NSG1: variants seen among roughly 807,000 people sequenced by gnomAD.
NSG1 encodes neuronal vesicle trafficking-associated protein 1.
NSG1 carries 9 observed loss-of-function variants against 19.3 expected under a neutral mutation model. The observed-to-expected ratio is 0.47, with a 90% CI of 0.28 to 0.81. The LOEUF is 0.81. Ranked by LOEUF, NSG1 falls within the 40% of genes least tolerant of loss-of-function variation. NSG1 has a pLI of 0.11. For synonymous variants in NSG1, 104 were observed against 107.0 expected, an observed-to-expected ratio of 0.97 and a Z score of 0.17; for missense variants, 236 against 242.4, an observed-to-expected ratio of 0.97 and a Z score of 0.18.
At chr4:4,417,199 A>G (rs906950529) in intron 4 of NSG1, 36 bp from the exon 5 acceptor site, 1 of 1,593,012 alleles carries the variant, frequency 6.3e-7, no homozygotes, top group African/African-American at 1.3e-5. Flanking sequence ...CCCCTCTTGC[A>G]CCGACGCGTG....
chr4:4,412,828 A>G (rs1023740235), intron 4 of NSG1, among the ~76,000 whole-genome samples: 5 of 152,202 alleles, frequency 3.3e-5, no homozygotes, highest in African/African-American at 1.2e-4. Context: ...GGAGAAGCCA[A>G]CTGTTTCTAG....
chr4:4,401,684 C>G (rs1723555347), intron 3 of NSG1, among the ~76,000 whole-genome samples: 1 of 152,138 alleles, frequency 6.6e-6, no homozygotes. Flanking sequence ...TCAACCACGT[C>G]AAAGCACCTG....
chr4:4,397,261 G>A (rs770839702), intron 3 of NSG1, among the ~76,000 whole-genome samples: 4 of 151,776 alleles, frequency 2.6e-5, no homozygotes, highest in Non-Finnish European at 4.4e-5. Context: ...CAGCGCCGTC[G>A]ACCTGGCGCC....
intron 3 of NSG1, among the ~76,000 whole-genome samples, chr4:4,403,791 G>A (rs1241469599): frequency 1.3e-5 from 2 of 152,170 alleles, no homozygotes; most frequent in East Asian, 1.9e-4. Flanking sequence ...TTAGGAGTAC[G>A]CAGACTTTAA....
chr4:4,412,536 C>G (rs945417573), intron 4 of NSG1, among the ~76,000 whole-genome samples: 2 of 152,006 alleles, frequency 1.3e-5, no homozygotes. Flanking sequence ...CAGGGAGCTG[C>G]TGGTCTGTAT....
intron 3 of NSG1, among the ~76,000 whole-genome samples, chr4:4,392,974 G>A (rs76827778): frequency 0.021 from 3,219 of 152,190 alleles, 120 homozygotes; most frequent in African/African-American, 0.074. Flanking sequence ...ACTGATCCGA[G>A]GTCAATACCT....
At chr4:4,402,383 T>A (rs1280500526) in intron 3 of NSG1, among the ~76,000 whole-genome samples, 1 of 89,034 alleles carries the variant, frequency 1.1e-5, no homozygotes, top group Non-Finnish European at 1.9e-5. Flanking sequence ...TTTTTTTTTT[T>A]TTTTTTTTTT....
rs183499485 is a variant in NSG1, at chr4:4,397,625, G to A, written c.246+6034G>A. On this transcript the variant is annotated intron_variant, in intron 3 of 4. Transcript: ENST00000621129. ...AAGGCCACGGGCCACTGCCTTTCAC[G>A]TGAGTGACCATGTAACTCCTGGCCC... Among the ~76,000 whole-genome samples, 6 of 152,338 alleles carry A rather than the reference G, an allele frequency of 3.9e-5. No individual in the cohort carries two copies. In the East Asian group the frequency reaches 7.7e-4, roughly 20 times the overall value.
chr4:4,411,397 C>A (rs1351301560), intron 4 of NSG1, among the ~76,000 whole-genome samples: 2 of 152,138 alleles, frequency 1.3e-5, no homozygotes, highest in African/African-American at 4.8e-5. Context: ...ACACCCTGTC[C>A]CACTGGAAGG....
intron 4 of NSG1, among the ~76,000 whole-genome samples, chr4:4,410,735 C>T (rs964026524): frequency 2.0e-5 from 3 of 152,096 alleles, no homozygotes; most frequent in Admixed American, 6.6e-5. Flanking sequence ...ATGCGAAGGC[C>T]GAGGCATGGC....
intron 2 of NSG1, 123 bp downstream of exon 2, chr4:4,387,881 C>G (rs1320523669): frequency 2.5e-6 from 2 of 811,276 alleles, no homozygotes; most frequent in East Asian, 2.6e-5. Context: ...CTCGGGAGGC[C>G]GGAGGGAGCG....
intron 3 of NSG1, among the ~76,000 whole-genome samples, chr4:4,406,526 C>T (rs897132792): frequency 1.3e-5 from 2 of 152,202 alleles, no homozygotes; most frequent in Non-Finnish European, 2.9e-5. Context: ...GGAGCCCGGG[C>T]AGGCTGGCCC....
intron 4 of NSG1, among the ~76,000 whole-genome samples, chr4:4,412,493 G>A (rs1407353928): frequency 6.6e-6 from 1 of 151,704 alleles, no homozygotes; most frequent in East Asian, 1.9e-4. Context: ...CTAATGAGGG[G>A]GTGTCCTTTC....
At chr4:4,396,677 C>T (rs2108731723) in intron 3 of NSG1, among the ~76,000 whole-genome samples, 1 of 56,780 alleles carries the variant, frequency 1.8e-5, no homozygotes, top group Admixed American at 2.3e-4. Context: ...CTTGAGCTTC[C>T]TGCGTGCCCA....
intron 4 of NSG1, among the ~76,000 whole-genome samples, chr4:4,412,068 G>A (rs954007149): frequency 6.6e-6 from 1 of 152,182 alleles, no homozygotes; most frequent in Non-Finnish European, 1.5e-5. Flanking sequence ...CCGTCTACAC[G>A]GTGGCTGCGA....
chr4:4,418,508 CCA>C lies in NSG1; in HGVS notation c.*1074_*1075del, dbSNP rs1724715816. On this transcript the variant is annotated 3_prime_UTR_variant, in exon 5 of 5. Coordinates refer to ENST00000621129, the MANE Select transcript of NSG1 (RefSeq NM_014392.5). Reference sequence around the variant, plus strand: ...TCACAATCTTTGTAAGAAAATTGTTCCAGTTTGAATCTTGATATTAAAGTTTA... The same window carrying C: ...TCACAATCTTTGTAAGAAAATTGTTCGTTTGAATCTTGATATTAAAGTTTA... 2 of 152,552 alleles carry C rather than the reference CCA, an allele frequency of 1.3e-5. No individual in the cohort carries two copies. The highest frequency in any genetic ancestry group is 2.9e-5 in the Non-Finnish European group (2 of 68,030). 9.4% of individuals were successfully genotyped at this position (152,552 alleles called of 1,614,324 possible). A position where few individuals can be genotyped will look rare whatever the true frequency, so the allele number is the denominator to read the frequency against.
intron 4 of NSG1, among the ~76,000 whole-genome samples, chr4:4,410,228 C>T (rs1299993821): frequency 6.6e-6 from 1 of 152,190 alleles, no homozygotes; most frequent in Non-Finnish European, 1.5e-5. Flanking sequence ...TGGTGCTGGG[C>T]TCTCTACAGG....
chr4:4,395,070 C>G (rs889419598), intron 3 of NSG1, among the ~76,000 whole-genome samples: 1 of 152,210 alleles, frequency 6.6e-6, no homozygotes. Flanking sequence ...GCTGGACTTT[C>G]GCAGCTGAAC....
intron 3 of NSG1, among the ~76,000 whole-genome samples, chr4:4,404,858 C>A (rs1455967896): frequency 6.6e-6 from 1 of 152,096 alleles, no homozygotes; most frequent in Non-Finnish European, 1.5e-5. Context: ...TGTTCCAGAG[C>A]CTTCCTGGGG....
Sources: gnomAD v4.1 joint callset for allele counts (sites outside exome capture counted in the v4.1 genomes callset) on GRCh38, gnomAD v4.1.1 for gene constraint, MANE v1.5 for transcripts, NCBI Gene and HGNC (gene_info 2026-07-23, HGNC 2026-07-21) for gene names.